LSAMP: variants seen among roughly 807,000 people sequenced by gnomAD.
The protein encoded by LSAMP is limbic system-associated membrane protein.
In LSAMP, 7 loss-of-function variants were observed where a neutral mutation model predicts 38.6. That is an observed-to-expected ratio of 0.18 (90% CI 0.10 to 0.34). The LOEUF (loss-of-function observed/expected upper bound fraction) is 0.34, where lower values mean the gene tolerates loss of function less well. Among genes scored for constraint, LSAMP ranks in the 10% least tolerant of loss-of-function variants. The pLI is 1.00. For synonymous variants in LSAMP, 154 were observed against 166.8 expected (o/e 0.92, Z 0.59); for missense variants, 313 against 420.0 (o/e 0.75, Z 2.23).
At chr3:115,843,342 C>T (rs192020977) in intron 4 of LSAMP, among the ~76,000 whole-genome samples, 111 of 152,304 alleles carry the variant, frequency 7.3e-4, no homozygotes, top group African/African-American at 2.5e-3. Flanking sequence ...ACACATTTGA[C>T]GCTCTAATTT....
At chr3:116,172,163 GAGTA>G (rs1559769317) in intron 1 of LSAMP, among the ~76,000 whole-genome samples, 2 of 151,848 alleles carry the variant, frequency 1.3e-5, no homozygotes, top group East Asian at 1.9e-4. Context: ...GTCAGGTACT[GAGTA>G]AGTGTCTATG....
chr3:116,244,458 T>C (rs1356261644), intron 1 of LSAMP, among the ~76,000 whole-genome samples: 1 of 152,154 alleles, frequency 6.6e-6, no homozygotes, highest in Non-Finnish European at 1.5e-5. Flanking sequence ...CTTCCAAACA[T>C]TTTCTAGTAC....
chr3:116,281,780 C>T (rs545366037), intron 1 of LSAMP, among the ~76,000 whole-genome samples: 52 of 152,236 alleles, frequency 3.4e-4, no homozygotes, highest in African/African-American at 1.1e-3. Context: ...AAGCATATTA[C>T]CCTCCTCCCC....
chr3:116,071,515 C>T (rs1427708709), intron 2 of LSAMP, among the ~76,000 whole-genome samples: 2 of 152,070 alleles, frequency 1.3e-5, no homozygotes, highest in Non-Finnish European at 2.9e-5. Flanking sequence ...GGTATGAGTA[C>T]ATATGATATA....
chr3:115,956,330 T>C (rs2107586259), intron 3 of LSAMP, among the ~76,000 whole-genome samples: 1 of 151,062 alleles, frequency 6.6e-6, no homozygotes, highest in East Asian at 1.9e-4. Flanking sequence ...TGCATCACTT[T>C]GACCAAACAA....
intron 6 of LSAMP, among the ~76,000 whole-genome samples, chr3:115,811,753 TAAG>T (rs1933840306): frequency 6.6e-6 from 1 of 152,114 alleles, no homozygotes; most frequent in Non-Finnish European, 1.5e-5. Context: ...ACAACAACAA[TAAG>T]AACGAAACCA....
chr3:116,390,162 C>T (rs1331430119), intron 1 of LSAMP, among the ~76,000 whole-genome samples: 1 of 149,294 alleles, frequency 6.7e-6, no homozygotes, highest in Non-Finnish European at 1.5e-5. Context: ...CACACACACA[C>T]ACATTTAGTT....
chr3:116,192,693 G>C (rs1710781619), intron 1 of LSAMP, among the ~76,000 whole-genome samples: 1 of 152,184 alleles, frequency 6.6e-6, no homozygotes, highest in Non-Finnish European at 1.5e-5. Context: ...AAATGGTCAA[G>C]TTTCTGCCCT....
intron 1 of LSAMP, among the ~76,000 whole-genome samples, chr3:116,368,974 A>G (rs1411843502): frequency 6.6e-6 from 1 of 152,204 alleles, no homozygotes; most frequent in African/African-American, 2.4e-5. Flanking sequence ...AACATTCTAG[A>G]ATGGGTATGA....
intron 1 of LSAMP, among the ~76,000 whole-genome samples, chr3:116,428,312 G>T (rs930278977): frequency 2.0e-5 from 3 of 152,100 alleles, no homozygotes; most frequent in African/African-American, 7.2e-5. Context: ...AGAAAAATTA[G>T]CTGGGCTTGG....
chr3:115,840,813 T>A (rs1175134339), intron 6 of LSAMP, among the ~76,000 whole-genome samples: 1 of 152,002 alleles, frequency 6.6e-6, no homozygotes, highest in East Asian at 1.9e-4. Context: ...ATTTCCAGTT[T>A]TTCCAATAGA....
chr3:115,828,655 G>T (rs6764693), intron 6 of LSAMP, among the ~76,000 whole-genome samples: 9,842 of 152,224 alleles, frequency 0.065, 1,000 homozygotes, highest in African/African-American at 0.22. Flanking sequence ...ATTTCATTGA[G>T]CTCCTCTTAG....
chr3:116,384,745 C>T, intron 1 of LSAMP, among the ~76,000 whole-genome samples: 1 of 152,048 alleles, frequency 6.6e-6, no homozygotes, highest in East Asian at 1.9e-4. Context: ...TTGCATATCA[C>T]CACCTGTCCA....
At chr3:116,437,485 T>C (rs530289073) in intron 1 of LSAMP, among the ~76,000 whole-genome samples, 48 of 152,174 alleles carry the variant, frequency 3.2e-4, no homozygotes, top group African/African-American at 1.1e-3. Context: ...AGTAGACATG[T>C]GCAAGATGGG....
At chr3:116,052,491 A>G in intron 2 of LSAMP, among the ~76,000 whole-genome samples, 1 of 152,184 alleles carries the variant, frequency 6.6e-6, no homozygotes, top group East Asian at 1.9e-4. Context: ...TTTAATATAA[A>G]TGTACTATAA....
chr3:116,161,982 A>C (rs998334843), intron 1 of LSAMP, among the ~76,000 whole-genome samples: 4 of 151,974 alleles, frequency 2.6e-5, no homozygotes, highest in African/African-American at 9.7e-5. Flanking sequence ...ATGAGAGTAC[A>C]TAATCATGTC....
At chr3:116,301,614 A>G (rs1269643700) in intron 1 of LSAMP, among the ~76,000 whole-genome samples, 2 of 152,132 alleles carry the variant, frequency 1.3e-5, no homozygotes, top group Admixed American at 6.5e-5. Flanking sequence ...ATGGCCTAAA[A>G]TTTATGCATT....
intron 1 of LSAMP, among the ~76,000 whole-genome samples, chr3:116,335,515 A>G (rs765779187): frequency 6.6e-6 from 1 of 152,240 alleles, no homozygotes; most frequent in African/African-American, 2.4e-5. Flanking sequence ...ATAGACAGAC[A>G]TATAAACCAA....
At chr3:116,107,833 G>C (rs1475828016) in intron 1 of LSAMP, among the ~76,000 whole-genome samples, 1 of 152,138 alleles carries the variant, frequency 6.6e-6, no homozygotes, top group East Asian at 1.9e-4. Flanking sequence ...ATTGTGGAGG[G>C]AGGTATTGAG....
Sources: gnomAD v4.1 joint callset for allele counts (sites outside exome capture counted in the v4.1 genomes callset) on GRCh38, gnomAD v4.1.1 for gene constraint, MANE v1.5 for transcripts, NCBI Gene and HGNC (gene_info 2026-07-23, HGNC 2026-07-21) for gene names.